The following NRCAM variants were observed in gnomAD, a reference collection of about 807,000 sequenced individuals.
The protein encoded by NRCAM is neuronal cell adhesion molecule, also known as NgCAM-related cell adhesion molecule.
Under a neutral mutation model 156.5 loss-of-function variants are expected in NRCAM, and 83 were observed. The ratio of observed to expected loss-of-function variants is 0.53; its 90% CI spans 0.44 to 0.64. The LOEUF is 0.64. Among genes scored for constraint, NRCAM ranks in the 30% least tolerant of loss-of-function variants. NRCAM has a pLI of 0.00. For missense variants in NRCAM, 1,417 were observed against 1,597.3 expected (o/e 0.89, Z 1.92); for synonymous variants, 538 against 563.9 (o/e 0.95, Z 0.65).
chr7:108,228,398 CCT>C (rs2153715429), intron 8 of NRCAM, among the ~76,000 whole-genome samples: 1 of 151,768 alleles, frequency 6.6e-6, no homozygotes, highest in South Asian at 2.1e-4. Context: ...CATTTCTTGT[CCT>C]CTGTTTCTCC....
At chr7:108,158,028 C>T (rs1563180638) in intron 32 of NRCAM, among the ~76,000 whole-genome samples, 1 of 152,006 alleles carries the variant, frequency 6.6e-6, no homozygotes, top group Non-Finnish European at 1.5e-5. Flanking sequence ...GTAAGCTTAC[C>T]TGCTTTACAG....
chr7:108,318,733 A>G (rs2098963111), intron 2 of NRCAM, among the ~76,000 whole-genome samples: 1 of 152,202 alleles, frequency 6.6e-6, no homozygotes, highest in South Asian at 2.1e-4. Flanking sequence ...AGGAGGTTTC[A>G]TTCACGGGTG....
intron 2 of NRCAM, among the ~76,000 whole-genome samples, chr7:108,397,686 T>C (rs2099780879): frequency 6.6e-6 from 1 of 152,198 alleles, no homozygotes; most frequent in Non-Finnish European, 1.5e-5. Flanking sequence ...TGATTGATAC[T>C]GAAAAAGAAT....
chr7:108,332,910 C>A (rs2099141481), intron 2 of NRCAM, among the ~76,000 whole-genome samples: 1 of 151,848 alleles, frequency 6.6e-6, no homozygotes. Context: ...AAGGATGTAA[C>A]AAGAGATAGA....
intron 32 of NRCAM, among the ~76,000 whole-genome samples, chr7:108,152,647 G>C (rs974814648): frequency 4.6e-5 from 7 of 152,178 alleles, no homozygotes; most frequent in Non-Finnish European, 7.3e-5. Context: ...GTAAACTACA[G>C]TAAAATTAGG....
chr7:108,317,545 T>C (rs2098942404), intron 2 of NRCAM, among the ~76,000 whole-genome samples: 2 of 152,140 alleles, frequency 1.3e-5, no homozygotes, highest in African/African-American at 4.8e-5. Context: ...ATTTTTCAAG[T>C]TCACTGAACA....
intron 32 of NRCAM, among the ~76,000 whole-genome samples, chr7:108,150,377 T>G (rs536150457): frequency 6.6e-6 from 1 of 152,308 alleles, no homozygotes; most frequent in East Asian, 1.9e-4. Flanking sequence ...CAATAGTGTT[T>G]GTTAATTTCA....
Position 108,315,996 on chromosome 7 carries a change from T to C in NRCAM, c.-173-3265A>G, listed in dbSNP as rs143403109. On this transcript the variant is annotated intron_variant, in intron 2 of 32. Transcript: ENST00000379028. ...CAGCATGCTGGAAATCATGTTGTCATATACATAAATGTAGCCTTCCATGGT... is the reference window on the plus strand; with the variant it reads ...CAGCATGCTGGAAATCATGTTGTCACATACATAAATGTAGCCTTCCATGGT... 9.3e-4 allele frequency among the ~76,000 whole-genome samples: 141 copies of C among 152,374 alleles called. 1 individual carries two copies. The highest frequency in any genetic ancestry group is 3.1e-3 in the African/African-American group (131 of 41,590).
chr7:108,382,933 G>C (rs1417017838), intron 2 of NRCAM, among the ~76,000 whole-genome samples: 9 of 152,128 alleles, frequency 5.9e-5, no homozygotes, highest in Admixed American at 5.9e-4. Context: ...TTACTAGTTT[G>C]TGAATTGGAG....
chr7:108,327,145 C>T (rs1233157696), intron 2 of NRCAM, among the ~76,000 whole-genome samples: 1 of 152,172 alleles, frequency 6.6e-6, no homozygotes, highest in African/African-American at 2.4e-5. Flanking sequence ...GGAGCCAACA[C>T]AGCATTTTGG....
intron 28 of NRCAM, among the ~76,000 whole-genome samples, 200 bp from the exon 29 acceptor site, chr7:108,168,602 C>A (rs2056435381): frequency 6.6e-6 from 1 of 152,114 alleles, no homozygotes; most frequent in Admixed American, 6.5e-5. Context: ...AATTAATAAT[C>A]AGAAATAATG....
At chr7:108,238,403 G>C (rs186078026) in intron 4 of NRCAM, among the ~76,000 whole-genome samples, 1 of 152,166 alleles carries the variant, frequency 6.6e-6, no homozygotes, top group Admixed American at 6.6e-5. Flanking sequence ...GTAGAGAAAC[G>C]ATGTAAGAAA....
intron 3 of NRCAM, among the ~76,000 whole-genome samples, chr7:108,268,619 T>TGG (rs1230361621): frequency 4.1e-5 from 2 of 49,292 alleles, no homozygotes; most frequent in Admixed American, 2.2e-4. Context: ...GGGGCGGGGG[T>TGG]GGGGGTGGGG....
At chr7:108,428,139 A>C (rs1366914562) in intron 1 of NRCAM, among the ~76,000 whole-genome samples, 1 of 152,212 alleles carries the variant, frequency 6.6e-6, no homozygotes, top group East Asian at 1.9e-4. Context: ...TGATATAAAA[A>C]TCTAGAAATA....
chr7:108,323,060 T>G (rs1313348452), intron 2 of NRCAM, among the ~76,000 whole-genome samples: 1 of 152,136 alleles, frequency 6.6e-6, no homozygotes, highest in African/African-American at 2.4e-5. Context: ...TTATGAGAGC[T>G]TGGTTTTATT....
rs1304450596 is a variant in NRCAM, at chr7:108,181,810, C to CCTTTCA, written c.2646+6_2646+11dup. On this transcript the variant is annotated intron_variant, in intron 24 of 32. Transcript: ENST00000379028. Reference sequence around the variant, plus strand: ...TACTAAATAAAGCCACAAAAGGTCCCCTTTCACTTGCCCGATAGCCTTGTA... The same window carrying CCTTTCA: ...TACTAAATAAAGCCACAAAAGGTCCCCTTTCACTTTCACTTGCCCGATAGCCTTGTA... The CCTTTCA allele has an allele frequency of 1.1e-5, 18 of 1,595,790 alleles. No homozygotes were observed. The highest frequency in any genetic ancestry group is 1.5e-5 in the Non-Finnish European group (18 of 1,163,742).
At chr7:108,392,134 G>A (rs1431820829) in intron 2 of NRCAM, among the ~76,000 whole-genome samples, 1 of 152,116 alleles carries the variant, frequency 6.6e-6, no homozygotes, top group Non-Finnish European at 1.5e-5. Context: ...TTGCTATGTT[G>A]GGGAAGTTCT....
chr7:108,261,332 A>G (rs989417894), intron 3 of NRCAM, among the ~76,000 whole-genome samples: 2 of 152,190 alleles, frequency 1.3e-5, no homozygotes, highest in Non-Finnish European at 2.9e-5. Flanking sequence ...TGTTTTCAGC[A>G]TATATCACCA....
At chr7:108,338,914 G>C (rs930902717) in intron 2 of NRCAM, among the ~76,000 whole-genome samples, 2 of 147,324 alleles carry the variant, frequency 1.4e-5, no homozygotes, top group African/African-American at 5.1e-5. Context: ...CCCGCAGATG[G>C]CCCAAATGCA....
Sources: gnomAD v4.1 joint callset for allele counts (sites outside exome capture counted in the v4.1 genomes callset) on GRCh38, gnomAD v4.1.1 for gene constraint, MANE v1.5 for transcripts, NCBI Gene and HGNC (gene_info 2026-07-23, HGNC 2026-07-21) for gene names.